The following FANCC variants were observed in gnomAD, a reference collection of about 807,000 sequenced individuals.
The protein encoded by FANCC is Fanconi anemia group C protein.
Under a neutral mutation model 71.3 loss-of-function variants are expected in FANCC, and 55 were observed. The observed-to-expected ratio is 0.77, with a 90% CI of 0.62 to 0.97. FANCC has a LOEUF of 0.97. FANCC is among the 50% of genes least tolerant of loss of function. The pLI, the probability that FANCC is intolerant of heterozygous loss-of-function variation, is 0.00. For missense variants in FANCC, 678 were observed against 670.9 expected (o/e 1.01, Z -0.12); for synonymous variants, 275 against 244.9 (o/e 1.12, Z -1.15).
chr9:95,281,654 A>G (rs1833391266), intron 1 of FANCC, among the ~76,000 whole-genome samples: 1 of 152,126 alleles, frequency 6.6e-6, no homozygotes, highest in African/African-American at 2.4e-5. Context: ...CTAATACTGT[A>G]ATGGTGGTAT....
At chr9:95,207,814 T>C (rs967701149) in intron 4 of FANCC, among the ~76,000 whole-genome samples, 2 of 152,180 alleles carry the variant, frequency 1.3e-5, no homozygotes, top group African/African-American at 4.8e-5. Context: ...AGAGGCTTAA[T>C]ATAACTTAAC....
intron 6 of FANCC, among the ~76,000 whole-genome samples, chr9:95,169,900 C>G (rs1825554466): frequency 6.6e-6 from 1 of 152,128 alleles, no homozygotes; most frequent in Non-Finnish European, 1.5e-5. Context: ...TGCTTATATT[C>G]CTTGCTCATT....
At position 95,249,109 on chromosome 9, in the gene FANCC, T is replaced by C. The variant is rs1456516153; in HGVS notation, c.165+18A>G. Reference sequence around the variant, plus strand: ...CTGAAGTCAGAAAATAATTTCATTATTCTGGTCCACTACTTACCATCTCTT... The same window carrying C: ...CTGAAGTCAGAAAATAATTTCATTACTCTGGTCCACTACTTACCATCTCTT... On this transcript the variant is annotated intron_variant, in intron 2 of 14. Coordinates refer to ENST00000289081, the MANE Select transcript of FANCC (RefSeq NM_000136.3). The C allele has an allele frequency of 1.9e-6, 3 of 1,613,060 alleles. No homozygotes were observed. Among genetic ancestry groups the C allele is most frequent in the Non-Finnish European group, 2.5e-6 (3 of 1,179,480 alleles).
intron 1 of FANCC, among the ~76,000 whole-genome samples, chr9:95,251,329 T>A (rs576559280): frequency 6.6e-6 from 1 of 152,344 alleles, no homozygotes; most frequent in South Asian, 2.1e-4. Context: ...TTATGTATTT[T>A]TTTTTAGACG....
intron 1 of FANCC, among the ~76,000 whole-genome samples, chr9:95,261,361 T>C (rs981623835): frequency 6.6e-6 from 1 of 152,252 alleles, no homozygotes; most frequent in Non-Finnish European, 1.5e-5. Flanking sequence ...GACTTTCTTA[T>C]GATTCTGCCT....
rs2071031864 is a variant in FANCC, at chr9:95,100,261, G to A, written c.*1446C>T. ...CATGTTATATGAAGGCAATGACCAT[G>A]ATGGCAGCTGCCACCAAAATACTTT... On this transcript the variant is annotated 3_prime_UTR_variant, in exon 15 of 15. Coordinates refer to ENST00000289081, the MANE Select transcript of FANCC (RefSeq NM_000136.3). 1 of 232,306 alleles carries A rather than the reference G, an allele frequency of 4.3e-6. No individual in the cohort carries two copies. The highest frequency in any genetic ancestry group is 8.5e-6 in the Non-Finnish European group (1 of 117,920). 14.4% of individuals were successfully genotyped at this position (232,306 alleles called of 1,614,324 possible).
At chr9:95,232,930 G>A (rs756641112) in intron 4 of FANCC, among the ~76,000 whole-genome samples, 1 of 152,150 alleles carries the variant, frequency 6.6e-6, no homozygotes, top group Non-Finnish European at 1.5e-5. Context: ...TCCCAATCTT[G>A]CAAACAAATG....
At chr9:95,217,739 T>C (rs1197001030) in intron 4 of FANCC, among the ~76,000 whole-genome samples, 5 of 152,106 alleles carry the variant, frequency 3.3e-5, no homozygotes, top group African/African-American at 1.2e-4. Flanking sequence ...AAATATAAAG[T>C]AAGTAGAAGA....
At chr9:95,267,059 G>A (rs576649642) in intron 1 of FANCC, among the ~76,000 whole-genome samples, 1 of 152,178 alleles carries the variant, frequency 6.6e-6, no homozygotes, top group Admixed American at 6.5e-5. Flanking sequence ...GAAACACAAA[G>A]AGGCAAGACC....
At chr9:95,133,821 C>A (rs1483805241) in intron 8 of FANCC, among the ~76,000 whole-genome samples, 3 of 152,104 alleles carry the variant, frequency 2.0e-5, no homozygotes, top group Admixed American at 1.3e-4. Flanking sequence ...ATTTAGCAGA[C>A]AATAAAGGTA....
At chr9:95,212,014 A>G (rs1828536047) in intron 4 of FANCC, among the ~76,000 whole-genome samples, 1 of 152,084 alleles carries the variant, frequency 6.6e-6, no homozygotes, top group African/African-American at 2.4e-5. Flanking sequence ...ACCTTTTTTT[A>G]AAAGAAAAAT....
At chr9:95,186,528 G>A (rs2135710014) in intron 4 of FANCC, 1 of 152,272 alleles carries the variant, frequency 6.6e-6, no homozygotes, top group African/African-American at 2.4e-5. Flanking sequence ...CTTGTCTTTG[G>A]GATAAAGATA....
intron 6 of FANCC, among the ~76,000 whole-genome samples, chr9:95,168,279 A>G (rs1367349827): frequency 6.6e-6 from 1 of 152,064 alleles, no homozygotes; most frequent in Non-Finnish European, 1.5e-5. Flanking sequence ...TTCCCCTCCC[A>G]AAGAACAGGT....
intron 1 of FANCC, among the ~76,000 whole-genome samples, chr9:95,272,539 T>C (rs142122993): frequency 1.4e-3 from 211 of 151,936 alleles, no homozygotes; most frequent in African/African-American, 3.9e-3. Flanking sequence ...CTACTAAAAA[T>C]AGAAAAAATT....
chr9:95,294,153 G>A, intron 1 of FANCC: 2 of 1,605,352 alleles, frequency 1.2e-6, no homozygotes, highest in Non-Finnish European at 1.7e-6. Flanking sequence ...TGCCTGCTCA[G>A]ACATTGGATC....
chr9:95,173,108 G>A (rs1286208871), intron 4 of FANCC, among the ~76,000 whole-genome samples: 1 of 152,018 alleles, frequency 6.6e-6, no homozygotes, highest in Non-Finnish European at 1.5e-5. Flanking sequence ...AATCAAAAAG[G>A]GTAGGGTAAA....
At chr9:95,119,078 A>G (rs1438181484) in intron 10 of FANCC, among the ~76,000 whole-genome samples, 2 of 152,208 alleles carry the variant, frequency 1.3e-5, no homozygotes, top group Admixed American at 6.5e-5. Context: ...CATCCATTCT[A>G]GTGGCTGGGA....
intron 13 of FANCC, among the ~76,000 whole-genome samples, chr9:95,107,834 G>A (rs2071579218): frequency 6.6e-6 from 1 of 152,118 alleles, no homozygotes; most frequent in South Asian, 2.1e-4. Flanking sequence ...GGAACAATCT[G>A]TTCATACGTG....
Position 95,125,238 on chromosome 9 carries a change from A to G in FANCC, c.897-53T>C, listed in dbSNP as rs1199988784. 5 of 1,433,792 alleles carry G rather than the reference A, an allele frequency of 3.5e-6. No individual in the cohort carries two copies. The Admixed American group carries it at 5.0e-5, about 14-fold the overall frequency. 88.8% of individuals were successfully genotyped at this position (1,433,792 alleles called of 1,614,324 possible). ...ACGTTTAACAAGTAATCCGGCAAAC[A>G]TGAAAACCTGCACTGTATAAGGGAA... On this transcript the variant is annotated intron_variant, in intron 9 of 14. Coordinates refer to ENST00000289081, the MANE Select transcript of FANCC (RefSeq NM_000136.3).
Sources: allele counts gnomAD v4.1 joint callset (sites outside exome capture counted in the v4.1 genomes callset), GRCh38; gene constraint gnomAD v4.1.1; transcripts MANE v1.5; gene names NCBI Gene and HGNC (gene_info 2026-07-23, HGNC 2026-07-21).